Variants in XPR1 observed in about 807,000 individuals in gnomAD.
XPR1 encodes the protein solute carrier family 53 member 1.
XPR1 carries 28 observed loss-of-function variants against 87.5 expected under a neutral mutation model. That is an observed-to-expected ratio of 0.32 (90% confidence interval 0.24 to 0.44). The LOEUF (loss-of-function observed/expected upper bound fraction) is 0.44. Among genes scored for constraint, XPR1 ranks in the 20% least tolerant of loss-of-function variants. XPR1 has a pLI of 1.00. For missense variants in XPR1, 559 were observed against 862.3 expected (o/e 0.65, Z 4.41); for synonymous variants, 300 against 306.1 (o/e 0.98, Z 0.21).
chr1:180,703,434 T>C (rs149615004), intron 2 of XPR1, among the ~76,000 whole-genome samples: 147 of 152,214 alleles, frequency 9.7e-4, no homozygotes, highest in African/African-American at 2.9e-3. Context: ...GGTGGGTATT[T>C]CCCAGTTCCT....
chr1:180,696,646 T>G (rs1451767180), intron 2 of XPR1, among the ~76,000 whole-genome samples: 1 of 152,162 alleles, frequency 6.6e-6, no homozygotes, highest in Non-Finnish European at 1.5e-5. Context: ...GCCTTTATTA[T>G]GTTGAGATAT....
intron 1 of XPR1, among the ~76,000 whole-genome samples, chr1:180,649,301 G>A (rs991814297): frequency 5.9e-5 from 9 of 151,816 alleles, no homozygotes; most frequent in Non-Finnish European, 1.0e-4. Context: ...GCATGGTGGC[G>A]GGCGCCTGTA....
intron 2 of XPR1, among the ~76,000 whole-genome samples, chr1:180,781,192 C>T (rs1326745597): frequency 6.6e-6 from 1 of 151,094 alleles, no homozygotes; most frequent in Admixed American, 6.6e-5. Flanking sequence ...AATAAAGTAT[C>T]ATATTTTTCA....
At chr1:180,865,225 T>C (rs182046664) in intron 12 of XPR1, among the ~76,000 whole-genome samples, 304 of 152,182 alleles carry the variant, frequency 2.0e-3, no homozygotes, top group Non-Finnish European at 3.6e-3. Context: ...TGTGAGAAAT[T>C]AGAATATATG....
chr1:180,815,891 C>T (rs1197124956), intron 7 of XPR1, among the ~76,000 whole-genome samples: 1 of 151,890 alleles, frequency 6.6e-6, no homozygotes. Flanking sequence ...TTGATTAAGC[C>T]GTTTTGTTTC....
At chr1:180,654,044 TC>T (rs1292620559) in intron 1 of XPR1, among the ~76,000 whole-genome samples, 1 of 152,190 alleles carries the variant, frequency 6.6e-6, no homozygotes, top group Non-Finnish European at 1.5e-5. Context: ...TCTCAGATCT[TC>T]CAGTGGTAAA....
At position 180,729,394 on chromosome 1, in the gene XPR1, G is replaced by A. The variant is rs751087170; in HGVS notation, c.121+46983G>A. The stretch of plus-strand genomic sequence containing the variant: ...TGATAGTTCTGTTTTAAGTGGCAAC[G>A]GTAGTTCTGGGTCATTCCCAATAGT... On this transcript the variant is annotated intron_variant, in intron 2 of 14. Coordinates refer to ENST00000367590, the MANE Select transcript of XPR1 (RefSeq NM_004736.4). Among the ~76,000 whole-genome samples, 94 of 152,100 alleles carry A rather than the reference G, an allele frequency of 6.2e-4. 1 individual carries two copies. The highest frequency in any genetic ancestry group is 9.4e-4 in the Non-Finnish European group (64 of 68,024).
intron 1 of XPR1, among the ~76,000 whole-genome samples, chr1:180,653,679 A>G (rs1467699909): frequency 1.3e-5 from 2 of 152,246 alleles, no homozygotes; most frequent in Non-Finnish European, 2.9e-5. Flanking sequence ...GAGATTAACA[A>G]CAATTAATAA....
intron 2 of XPR1, among the ~76,000 whole-genome samples, chr1:180,783,670 A>G (rs1649029124): frequency 1.3e-5 from 2 of 152,046 alleles, no homozygotes; most frequent in South Asian, 4.1e-4. Flanking sequence ...ATGTATGTAT[A>G]TTATTTTTTA....
At chr1:180,809,819 A>G (rs920659758) in intron 6 of XPR1, among the ~76,000 whole-genome samples, 1 of 152,180 alleles carries the variant, frequency 6.6e-6, no homozygotes, top group African/African-American at 2.4e-5. Flanking sequence ...TCTTTTGTAT[A>G]TATGATAAAT....
In XPR1 at chr1:180,889,204, C is replaced by T. The variant is rs1000196611; in HGVS notation, c.*5138C>T. The T allele has an allele frequency of 2.6e-5, 4 of 152,162 alleles. No homozygotes were observed. The highest frequency in any genetic ancestry group is 9.7e-5 in the African/African-American group (4 of 41,432). The allele number at this position is 152,162 out of a possible 1,614,324, so 9.4% of individuals were successfully genotyped here. The stretch of plus-strand genomic sequence containing the variant: ...GTAGCAAACCTTTGGTTTATTTTAT[C>T]GTCAAATCAAAGCCACCCTCAGTTT... On this transcript the variant is annotated 3_prime_UTR_variant, in exon 15 of 15. Coordinates refer to ENST00000367590, the MANE Select transcript of XPR1 (RefSeq NM_004736.4).
intron 1 of XPR1, among the ~76,000 whole-genome samples, chr1:180,667,002 A>G (rs1655984424): frequency 6.7e-6 from 1 of 149,690 alleles, no homozygotes; most frequent in South Asian, 2.1e-4. Context: ...TGCAACCTCC[A>G]CCTCCCAGGC....
intron 1 of XPR1, among the ~76,000 whole-genome samples, chr1:180,673,849 G>A (rs1052702257): frequency 2.4e-4 from 36 of 152,220 alleles, no homozygotes; most frequent in African/African-American, 8.7e-4. Context: ...AGTAATACCA[G>A]TAGATTGCAG....
At position 180,820,157 on chromosome 1, in the gene XPR1, A is replaced by G. The variant is rs1054034151; in HGVS notation, c.764-4596A>G. On this transcript the variant is annotated intron_variant, in intron 7 of 14. Transcript: ENST00000367590. ...AATTGAGGTGAAGTTCACATAACATAAAATAAATTTCATTTTAAAGTTAAT... is the reference window on the plus strand; with the variant it reads ...AATTGAGGTGAAGTTCACATAACATGAAATAAATTTCATTTTAAAGTTAAT... Among the ~76,000 whole-genome samples, 6 of 152,298 alleles carry G rather than the reference A, an allele frequency of 3.9e-5. No homozygotes were observed. The East Asian group carries it at 9.6e-4, about 24-fold the overall frequency.
rs561801668 is a variant in XPR1 at position 180,825,282 on chromosome 1, T to C, written c.1072T>C (p.Phe358Leu). The change falls in exon 9 of 15, where the codon TTC becomes CTC. Residue 358 changes from phenylalanine (F) to leucine (L), a missense_variant. Phe to Leu is a conservative substitution (Grantham distance 22). Around this residue, in one of 7 missense-constraint regions of XPR1, gnomAD observed 264 missense variants for 377.2 expected, o/e 0.70. Coordinates refer to ENST00000367590, the MANE Select transcript of XPR1 (RefSeq NM_004736.4). ...TGCCCTTTATGGATTTATGGTTTTCTTCCTTATCAACCCCACCAAAACTTT... is the reference window on the plus strand; with the variant it reads ...TGCCCTTTATGGATTTATGGTTTTCCTCCTTATCAACCCCACCAAAACTTT... Reference protein sequence around the residue: ...PLALYGFMVFFLINPTKTFYY... With the variant: ...PLALYGFMVFLLINPTKTFYY... The C allele has an allele frequency of 4.0e-5, 64 of 1,614,122 alleles. No homozygotes were observed. The highest frequency in any genetic ancestry group is 1.5e-4 in the Admixed American group (9 of 60,004).
intron 1 of XPR1, among the ~76,000 whole-genome samples, chr1:180,638,599 C>T (rs553628027): frequency 1.0e-3 from 156 of 152,126 alleles, no homozygotes; most frequent in Non-Finnish European, 1.5e-3. Flanking sequence ...TCTTCCTTTG[C>T]TATAGGCTGA....
chr1:180,689,698 G>C (rs1656914702), intron 2 of XPR1, among the ~76,000 whole-genome samples: 1 of 152,076 alleles, frequency 6.6e-6, no homozygotes, highest in Non-Finnish European at 1.5e-5. Flanking sequence ...GGTAATGTAT[G>C]GACTTTAGTT....
intron 2 of XPR1, among the ~76,000 whole-genome samples, chr1:180,682,637 C>A (rs1034190171): frequency 6.6e-6 from 1 of 151,886 alleles, no homozygotes; most frequent in African/African-American, 2.4e-5. Context: ...CTTTGTGTCA[C>A]CTTAGGACTG....
At chr1:180,819,844 C>G (rs974612876) in intron 7 of XPR1, among the ~76,000 whole-genome samples, 2 of 151,908 alleles carry the variant, frequency 1.3e-5, no homozygotes, top group Non-Finnish European at 2.9e-5. Context: ...ATGGCAAAAC[C>G]CCGTCTCTAC....
Sources: gnomAD v4.1 joint callset for allele counts (sites outside exome capture counted in the v4.1 genomes callset) on GRCh38, gnomAD v4.1.1 for gene constraint, gnomAD v4.1.1 regional missense constraint, MANE v1.5 for transcripts, NCBI Gene and HGNC (gene_info 2026-07-23, HGNC 2026-07-21) for gene names.